ROBO2: variants seen among roughly 807,000 people sequenced by gnomAD.
ROBO2 encodes roundabout guidance receptor 2.
A neutral mutation model predicts 160.8 loss-of-function variants in ROBO2; 53 were observed. That is an observed-to-expected ratio of 0.33 (90% CI 0.26 to 0.41). The LOEUF (loss-of-function observed/expected upper bound fraction) is 0.41. Ranked by LOEUF, ROBO2 falls within the 10% of genes least tolerant of loss-of-function variation. ROBO2 has a pLI of 1.00. For missense variants in ROBO2, 1,577 were observed against 1,722.4 expected (o/e 0.92, Z 1.49); for synonymous variants, 664 against 611.7 (o/e 1.09, Z -1.26).
rs150489058 is a variant in ROBO2, at chr3:77,575,799, T to C, written c.2203+1069T>C. On this transcript the variant is annotated intron_variant, in intron 14 of 25. Coordinates refer to ENST00000461745, the Ensembl canonical transcript of ROBO2. ...GTTGCAAATTGGTAGTATTAATGAGTGGAGCAGGTAACCTTAACACAGAAT... is the reference window on the plus strand; with the variant it reads ...GTTGCAAATTGGTAGTATTAATGAGCGGAGCAGGTAACCTTAACACAGAAT... Among the ~76,000 whole-genome samples, 34 of 152,250 alleles carry C rather than the reference T, an allele frequency of 2.2e-4. No individual in the cohort carries two copies. In the East Asian group the frequency reaches 3.7e-3, roughly 16 times the overall value.
chr3:76,044,725 A>T (rs977880609), intron 2 of ROBO2, among the ~76,000 whole-genome samples: 2 of 152,086 alleles, frequency 1.3e-5, no homozygotes, highest in African/African-American at 4.8e-5. Flanking sequence ...CAATGTGCAT[A>T]AATAAAATAC....
intron 2 of ROBO2, among the ~76,000 whole-genome samples, chr3:76,655,439 C>CATATATATATATATATAT (rs747521584): frequency 0.027 from 1,562 of 57,732 alleles, 153 homozygotes; most frequent in African/African-American, 0.076. Flanking sequence ...GATTTTTTTC[C>CATATATATATATATATAT]ATATATATAT....
intron 2 of ROBO2, among the ~76,000 whole-genome samples, chr3:76,631,566 T>G (rs76469229): frequency 0.013 from 2,030 of 152,312 alleles, 44 homozygotes; most frequent in African/African-American, 0.046. Context: ...AAATATGCCT[T>G]CATTGTAAAC....
chr3:76,258,173 A>T (rs960243769), intron 2 of ROBO2, among the ~76,000 whole-genome samples: 2 of 151,922 alleles, frequency 1.3e-5, no homozygotes, highest in African/African-American at 4.8e-5. Context: ...TCCAACATAA[A>T]AGTTTCTCCA....
At position 76,934,958 on chromosome 3, in the gene ROBO2, A is replaced by ATTTTTTTTTTTTTTTTTTTTTTTTTTT. The variant is rs151316771; in HGVS notation, c.110-163056_110-163055insTTTTTTTTTTTTTTTTTTTTTTTTTTT. Reference sequence around the variant, plus strand: ...TTTTGAAATAATTTCAGGCTTCACAAATTTTTTTTTTTTTAGACCATCTCA... The same window carrying ATTTTTTTTTTTTTTTTTTTTTTTTTTT: ...TTTTGAAATAATTTCAGGCTTCACAATTTTTTTTTTTTTTTTTTTTTTTTTTTATTTTTTTTTTTTTAGACCATCTCA... On this transcript the variant is annotated intron_variant, in intron 2 of 26. Coordinates refer to the ROBO2 transcript ENST00000487694. Among the ~76,000 whole-genome samples, 4 of 146,728 alleles carry ATTTTTTTTTTTTTTTTTTTTTTTTTTT rather than the reference A, an allele frequency of 2.7e-5. 2 individuals carry two copies. Among genetic ancestry groups the ATTTTTTTTTTTTTTTTTTTTTTTTTTT allele is most frequent in the African/African-American group, 1.0e-4 (4 of 39,452 alleles).
chr3:76,983,054 G>C (rs2060178668), intron 2 of ROBO2, among the ~76,000 whole-genome samples: 2 of 152,240 alleles, frequency 1.3e-5, no homozygotes, highest in African/African-American at 4.8e-5. Context: ...GGGAGGCCGA[G>C]GCGGGCAGAT....
intron 2 of ROBO2, among the ~76,000 whole-genome samples, chr3:76,884,191 TTACAAA>T: frequency 6.6e-6 from 1 of 152,146 alleles, no homozygotes; most frequent in East Asian, 1.9e-4. Flanking sequence ...AATGTAACAG[TTACAAA>T]TACAAAATAA....
intron 2 of ROBO2, among the ~76,000 whole-genome samples, chr3:76,852,565 G>T (rs1339384728): frequency 6.6e-6 from 1 of 152,104 alleles, no homozygotes; most frequent in Non-Finnish European, 1.5e-5. Flanking sequence ...TGTCAGAAGA[G>T]GTCAAAGGAA....
rs2068377610 is a variant in ROBO2 at position 76,842,470 on chromosome 3, A to G, written c.110-255544A>G. ...GACCAAGAACTGTGAGTGTAGACAAATCTAAACTGGACTACCAGTTCTGCT... is the reference window on the plus strand; with the variant it reads ...GACCAAGAACTGTGAGTGTAGACAAGTCTAAACTGGACTACCAGTTCTGCT... On this transcript the variant is annotated intron_variant, in intron 2 of 26. Coordinates refer to the ROBO2 transcript ENST00000487694. 2.6e-5 allele frequency among the ~76,000 whole-genome samples: 4 copies of G among 152,340 alleles called. No homozygotes were observed. The Middle Eastern group carries it at 0.01, about 389-fold the overall frequency.
At chr3:76,013,673 T>C (rs1015389870) in intron 2 of ROBO2, among the ~76,000 whole-genome samples, 1 of 151,092 alleles carries the variant, frequency 6.6e-6, no homozygotes, top group Admixed American at 6.6e-5. Context: ...AGAAGTAATA[T>C]GTATAAAGGC....
chr3:76,594,894 A>G (rs35918386), intron 2 of ROBO2, among the ~76,000 whole-genome samples: 7,865 of 152,142 alleles, frequency 0.052, 297 homozygotes, highest in Non-Finnish European at 0.08. Context: ...ACTGACAATA[A>G]TAAAGCTACG....
At chr3:75,999,852 C>T (rs1259315805) in intron 2 of ROBO2, among the ~76,000 whole-genome samples, 1 of 152,160 alleles carries the variant, frequency 6.6e-6, no homozygotes, top group African/African-American at 2.4e-5. Context: ...AGACCTTAAA[C>T]TCATCATGTT....
intron 2 of ROBO2, among the ~76,000 whole-genome samples, chr3:76,343,549 A>G (rs1233542677): frequency 6.6e-6 from 1 of 151,700 alleles, no homozygotes; most frequent in Non-Finnish European, 1.5e-5. Context: ...GTGCAAACGT[A>G]ACTGCGGTTT....
intron 2 of ROBO2, among the ~76,000 whole-genome samples, chr3:76,635,281 A>T (rs2090266797): frequency 6.6e-6 from 1 of 152,170 alleles, no homozygotes; most frequent in Non-Finnish European, 1.5e-5. Flanking sequence ...GAATTATGCT[A>T]TCATCTTCGT....
intron 2 of ROBO2, among the ~76,000 whole-genome samples, chr3:76,401,804 T>G (rs2077835790): frequency 6.6e-6 from 1 of 151,524 alleles, no homozygotes; most frequent in Non-Finnish European, 1.5e-5. Context: ...ATAGAATAAT[T>G]TGTCATGTCC....
intron 2 of ROBO2, among the ~76,000 whole-genome samples, chr3:76,745,713 C>T (rs1205912026): frequency 6.6e-6 from 1 of 151,818 alleles, no homozygotes; most frequent in Non-Finnish European, 1.5e-5. Flanking sequence ...TTCTTTGAAT[C>T]TCCTCTGCAT....
At chr3:77,289,108 T>C (rs1397473583) in intron 2 of ROBO2, among the ~76,000 whole-genome samples, 2 of 152,162 alleles carry the variant, frequency 1.3e-5, no homozygotes, top group African/African-American at 4.8e-5. Context: ...ATGTGGATTG[T>C]ACAGTCTAGT....
chr3:76,051,101 C>T (rs1400070507), intron 2 of ROBO2, among the ~76,000 whole-genome samples: 1 of 151,734 alleles, frequency 6.6e-6, no homozygotes. Flanking sequence ...GTTATATTTA[C>T]TTGTTCTTAT....
intron 2 of ROBO2, among the ~76,000 whole-genome samples, chr3:76,744,758 AT>A (rs1273628625): frequency 3.0e-5 from 4 of 134,152 alleles, no homozygotes; most frequent in African/African-American, 8.9e-5. Flanking sequence ...CTTAAAAAAA[AT>A]CTACTAAAAA....
Sources: allele counts gnomAD v4.1 joint callset (sites outside exome capture counted in the v4.1 genomes callset), GRCh38; gene constraint gnomAD v4.1.1; transcripts MANE v1.5; gene names NCBI Gene and HGNC (gene_info 2026-07-23, HGNC 2026-07-21).